UBR3: variants seen among roughly 807,000 people sequenced by gnomAD.
The protein encoded by UBR3 is ubiquitin protein ligase E3 component n-recognin 3.
A neutral mutation model predicts 243.2 loss-of-function variants in UBR3; 85 were observed. That is an observed-to-expected ratio of 0.35 (90% CI 0.29 to 0.42). UBR3 has a LOEUF of 0.42. UBR3 is among the 10% of genes least tolerant of loss of function. The probability of loss-of-function intolerance (pLI) is 1.00; values close to 1 mark genes in which losing one functional copy is unlikely to be tolerated. For missense variants in UBR3, 1,686 were observed against 2,300.8 expected (o/e 0.73, Z 5.47); for synonymous variants, 748 against 799.8 (o/e 0.94, Z 1.09).
At chr2:169,949,173 T>A (rs1179839866) in intron 22 of UBR3, among the ~76,000 whole-genome samples, 4 of 152,008 alleles carry the variant, frequency 2.6e-5, no homozygotes, top group Non-Finnish European at 5.9e-5. Context: ...GCTTAGAAAA[T>A]TTTTTTAAAA....
intron 25 of UBR3, among the ~76,000 whole-genome samples, chr2:169,988,069 G>A (rs1302524062): frequency 2.6e-5 from 4 of 152,204 alleles, no homozygotes; most frequent in Non-Finnish European, 5.9e-5. Flanking sequence ...AAGTAGAGCT[G>A]TCCAAATCAG....
At position 170,045,597 on chromosome 2, in the gene UBR3, A is replaced by G. The variant is rs186977543; in HGVS notation, c.4660+4612A>G. Among the ~76,000 whole-genome samples the G allele has an allele frequency of 8.7e-4, 133 of 152,294 alleles. 1 individual carries two copies. Among genetic ancestry groups the G allele is most frequent in the African/African-American group, 3.0e-3 (125 of 41,552 alleles). ...GCTTGAATCCTGCTTATTATTTTCC[A>G]TTGACTTGAAGAAAGAAAATATCTC... is the stretch of plus-strand genomic sequence containing the variant. On this transcript the variant is annotated intron_variant, in intron 32 of 38. Coordinates refer to ENST00000272793, the MANE Select transcript of UBR3 (RefSeq NM_172070.4).
intron 36 of UBR3, among the ~76,000 whole-genome samples, chr2:170,075,163 A>G (rs2091779087): frequency 6.6e-6 from 1 of 152,148 alleles, no homozygotes; most frequent in Non-Finnish European, 1.5e-5. Flanking sequence ...TTTTGCTGAA[A>G]TCCTTAAAAA....
chr2:169,949,387 G>C (rs909617301), intron 22 of UBR3: 1 of 423,764 alleles, frequency 2.4e-6, no homozygotes. Flanking sequence ...AGATGTTACT[G>C]CTGATGATCT....
chr2:169,978,214 G>C (rs1394416982), intron 24 of UBR3, among the ~76,000 whole-genome samples: 23 of 152,126 alleles, frequency 1.5e-4, no homozygotes. Flanking sequence ...TTACCCAAGG[G>C]GATCCCTCTT....
chr2:169,909,596 A>G (rs1356638946), intron 10 of UBR3, among the ~76,000 whole-genome samples: 1 of 152,158 alleles, frequency 6.6e-6, no homozygotes, highest in South Asian at 2.1e-4. Flanking sequence ...CATGGTGACT[A>G]TAGTTAATAA....
intron 30 of UBR3, among the ~76,000 whole-genome samples, chr2:170,022,806 G>A (rs1237525432): frequency 6.6e-6 from 1 of 152,098 alleles, no homozygotes; most frequent in Non-Finnish European, 1.5e-5. Context: ...GCTTAGGAAT[G>A]GGATAGGGAG....
chr2:169,906,737 C>G (rs1475832808), intron 10 of UBR3, among the ~76,000 whole-genome samples: 1 of 152,072 alleles, frequency 6.6e-6, no homozygotes, highest in Admixed American at 6.6e-5. Flanking sequence ...TTGTAGTAGA[C>G]ATATTTTGAA....
chr2:170,080,718 T>C, intron 38 of UBR3, 34 bp downstream of exon 38: 5 of 1,596,984 alleles, frequency 3.1e-6, no homozygotes, highest in Non-Finnish European at 4.3e-6. Context: ...AGGTGTTTTA[T>C]TGAAATTTGG....
intron 30 of UBR3, among the ~76,000 whole-genome samples, chr2:170,028,336 A>G (rs1296873945): frequency 6.6e-6 from 1 of 151,856 alleles, no homozygotes; most frequent in Non-Finnish European, 1.5e-5. Context: ...GTAAATTAAC[A>G]TAAAATGTAG....
intron 6 of UBR3, among the ~76,000 whole-genome samples, chr2:169,894,840 T>TGTC (rs1341063355): frequency 6.6e-6 from 1 of 152,198 alleles, no homozygotes; most frequent in Non-Finnish European, 1.5e-5. Context: ...GCTTAAGCAG[T>TGTC]GTCACTGGAG....
At chr2:170,028,270 A>G (rs536983701) in intron 30 of UBR3, among the ~76,000 whole-genome samples, 8 of 151,988 alleles carry the variant, frequency 5.3e-5, no homozygotes, top group African/African-American at 1.9e-4. Context: ...ACACGCATGT[A>G]CACATAAACA....
At chr2:169,939,515 C>T (rs1439119110) in intron 19 of UBR3, among the ~76,000 whole-genome samples, 1 of 151,798 alleles carries the variant, frequency 6.6e-6, no homozygotes, top group Non-Finnish European at 1.5e-5. Flanking sequence ...GATCCGCCCA[C>T]CTCAGTCTCC....
intron 1 of UBR3, among the ~76,000 whole-genome samples, chr2:169,861,622 G>A (rs1255267609): frequency 4.1e-5 from 6 of 147,396 alleles, no homozygotes; most frequent in Admixed American, 1.3e-4. Context: ...AAAAAAAAAA[G>A]AAAAGAAAAA....
At chr2:169,875,063 A>G (rs73024483) in intron 2 of UBR3, among the ~76,000 whole-genome samples, 6,530 of 151,402 alleles carry the variant, frequency 0.043, 160 homozygotes, top group Middle Eastern at 0.068. Context: ...ATTCATATTT[A>G]TGAAAAGTTA....
At chr2:170,003,453 C>T (rs999936167) in intron 27 of UBR3, among the ~76,000 whole-genome samples, 3 of 105,500 alleles carry the variant, frequency 2.8e-5, no homozygotes, top group African/African-American at 7.2e-5. Flanking sequence ...TTTTCATATC[C>T]CTGTATTCAA....
intron 35 of UBR3, among the ~76,000 whole-genome samples, chr2:170,070,868 C>G (rs2091682745): frequency 6.6e-6 from 1 of 152,022 alleles, no homozygotes; most frequent in South Asian, 2.1e-4. Flanking sequence ...TTTTTTCTAG[C>G]TGTGTGAAAG....
chr2:169,919,588 A>G (rs1321586865), intron 11 of UBR3, among the ~76,000 whole-genome samples: 1 of 152,268 alleles, frequency 6.6e-6, no homozygotes, highest in Non-Finnish European at 1.5e-5. Flanking sequence ...TCCAGAATCT[A>G]CAATGAACTT....
chr2:169,953,759 T>G (rs971469291), intron 23 of UBR3, among the ~76,000 whole-genome samples: 7 of 152,230 alleles, frequency 4.6e-5, no homozygotes, highest in African/African-American at 1.7e-4. Flanking sequence ...TATGGACATA[T>G]GTATTCTAAT....
Sources: allele counts gnomAD v4.1 joint callset (sites outside exome capture counted in the v4.1 genomes callset), GRCh38; gene constraint gnomAD v4.1.1; transcripts MANE v1.5; gene names NCBI Gene and HGNC (gene_info 2026-07-23, HGNC 2026-07-21).